ADAMTS19: variants seen among roughly 807,000 people sequenced by gnomAD.
ADAMTS19 encodes the protein ADAM metallopeptidase with thrombospondin type 1 motif 19.
Under a neutral mutation model 153.3 loss-of-function variants are expected in ADAMTS19, and 93 were observed. The ratio of observed to expected loss-of-function variants is 0.61; its 90% confidence interval spans 0.51 to 0.72. The LOEUF (loss-of-function observed/expected upper bound fraction) is 0.72, where lower values mean the gene tolerates loss of function less well. ADAMTS19 is among the 30% of genes least tolerant of loss of function. The pLI, the probability that ADAMTS19 is intolerant of heterozygous loss-of-function variation, is 0.00. For synonymous variants in ADAMTS19, 600 were observed against 556.6 expected (o/e 1.08, Z -1.10); for missense variants, 1,482 against 1,552.1 (o/e 0.95, Z 0.76).
At chr5:129,554,808 CAAT>C (rs1319731482) in intron 7 of ADAMTS19, among the ~76,000 whole-genome samples, 6 of 151,940 alleles carry the variant, frequency 3.9e-5, no homozygotes, top group Admixed American at 3.3e-4. Flanking sequence ...AAATATGGCG[CAAT>C]ATTAATAACC....
intron 4 of ADAMTS19, 200 bp downstream of exon 4, chr5:129,526,656 C>T: frequency 2.0e-6 from 1 of 500,128 alleles, no homozygotes. Flanking sequence ...ATCTTGTAAA[C>T]CCTTGTTAAT....
intron 11 of ADAMTS19, among the ~76,000 whole-genome samples, chr5:129,646,912 T>C (rs1203754627): frequency 6.6e-6 from 1 of 152,134 alleles, no homozygotes; most frequent in African/African-American, 2.4e-5. Context: ...ATCTATTTGA[T>C]TTTCAGGAAT....
intron 2 of ADAMTS19, among the ~76,000 whole-genome samples, chr5:129,468,476 C>T (rs879461434): frequency 6.6e-6 from 1 of 152,058 alleles, no homozygotes; most frequent in Non-Finnish European, 1.5e-5. Flanking sequence ...GCCTCAGCCT[C>T]CTAAGTAGCT....
chr5:129,622,669 G>C (rs1055369587), intron 10 of ADAMTS19, among the ~76,000 whole-genome samples: 1 of 151,992 alleles, frequency 6.6e-6, no homozygotes, highest in Non-Finnish European at 1.5e-5. Flanking sequence ...TCCATTATCT[G>C]CAGGAATTGG....
intron 13 of ADAMTS19, among the ~76,000 whole-genome samples, chr5:129,651,734 A>T (rs1371854552): frequency 2.0e-5 from 3 of 152,188 alleles, no homozygotes; most frequent in African/African-American, 4.8e-5. Flanking sequence ...CACAACCTGT[A>T]ATAGCACATT....
intron 7 of ADAMTS19, among the ~76,000 whole-genome samples, chr5:129,595,767 T>C (rs908396054): frequency 5.3e-5 from 8 of 152,120 alleles, no homozygotes; most frequent in Non-Finnish European, 1.2e-4. Flanking sequence ...TTATGATAAC[T>C]TGTTATTTGA....
At chr5:129,536,022 A>C (rs1299862869) in intron 6 of ADAMTS19, among the ~76,000 whole-genome samples, 1 of 152,218 alleles carries the variant, frequency 6.6e-6, no homozygotes, top group Non-Finnish European at 1.5e-5. Flanking sequence ...CATGTCTAAA[A>C]CACCAAAAGC....
intron 7 of ADAMTS19, among the ~76,000 whole-genome samples, chr5:129,569,494 A>C (rs989204378): frequency 2.0e-5 from 3 of 152,074 alleles, no homozygotes; most frequent in African/African-American, 7.2e-5. Context: ...ACACTGCTCC[A>C]CCCAACCATA....
intron 12 of ADAMTS19, among the ~76,000 whole-genome samples, chr5:129,648,566 G>A (rs1463010549): frequency 6.6e-6 from 1 of 151,928 alleles, no homozygotes; most frequent in Non-Finnish European, 1.5e-5. Flanking sequence ...ATGGCAAGTG[G>A]GATTTTATTC....
chr5:129,462,614 T>G (rs74424330), intron 2 of ADAMTS19, among the ~76,000 whole-genome samples: 19,018 of 147,002 alleles, frequency 0.13, 1,570 homozygotes, highest in African/African-American at 0.22. Flanking sequence ...TGTGTGTGTG[T>G]GTGGGGGGGT....
chr5:129,547,797 A>T (rs1264103682), intron 6 of ADAMTS19, among the ~76,000 whole-genome samples: 1 of 150,876 alleles, frequency 6.6e-6, no homozygotes, highest in Non-Finnish European at 1.5e-5. Context: ...ACAGAAACCA[A>T]AACAGCATGG....
intron 2 of ADAMTS19, among the ~76,000 whole-genome samples, chr5:129,479,955 A>G (rs1186722544): frequency 6.6e-6 from 1 of 152,178 alleles, no homozygotes; most frequent in Non-Finnish European, 1.5e-5. Flanking sequence ...AGAAATTGAC[A>G]AATATGTTTA....
chr5:129,727,721 G>A (rs1315051925), intron 21 of ADAMTS19, among the ~76,000 whole-genome samples: 4 of 152,132 alleles, frequency 2.6e-5, no homozygotes, highest in African/African-American at 4.8e-5. Context: ...GCCTTCATGT[G>A]AGATATTAAA....
At chr5:129,537,409 A>G (rs138870078) in intron 6 of ADAMTS19, among the ~76,000 whole-genome samples, 6,524 of 152,286 alleles carry the variant, frequency 0.043, 166 homozygotes, top group African/African-American at 0.064. Context: ...CATTTGACCC[A>G]GCCATCCCAT....
intron 3 of ADAMTS19, among the ~76,000 whole-genome samples, chr5:129,517,765 G>A (rs1303024218): frequency 6.6e-6 from 1 of 151,908 alleles, no homozygotes; most frequent in Non-Finnish European, 1.5e-5. Flanking sequence ...TGATTAGATA[G>A]TTTAGTTCAT....
intron 8 of ADAMTS19, among the ~76,000 whole-genome samples, chr5:129,597,351 A>G (rs1420123587): frequency 6.6e-6 from 1 of 152,116 alleles, no homozygotes; most frequent in African/African-American, 2.4e-5. Flanking sequence ...CAATTTTGTG[A>G]TGTGTTATTA....
chr5:129,627,927 T>G (rs1235756069), intron 10 of ADAMTS19, among the ~76,000 whole-genome samples: 1 of 151,954 alleles, frequency 6.6e-6, no homozygotes, highest in Non-Finnish European at 1.5e-5. Flanking sequence ...TAATTACCAT[T>G]CAACCCAGCA....
intron 6 of ADAMTS19, among the ~76,000 whole-genome samples, chr5:129,546,164 C>T (rs1752846615): frequency 6.7e-6 from 1 of 148,636 alleles, no homozygotes; most frequent in African/African-American, 2.6e-5. Context: ...CATATTCTCA[C>T]TCACAGGTGG....
intron 21 of ADAMTS19, among the ~76,000 whole-genome samples, chr5:129,707,851 A>G (rs574143716): frequency 2.8e-4 from 42 of 152,316 alleles, no homozygotes; most frequent in African/African-American, 1.0e-3. Context: ...CAATTTTTTT[A>G]TAAAGCTAGC....
Sources: allele counts gnomAD v4.1 joint callset (sites outside exome capture counted in the v4.1 genomes callset), GRCh38; gene constraint gnomAD v4.1.1; transcripts MANE v1.5; gene names NCBI Gene and HGNC (gene_info 2026-07-23, HGNC 2026-07-21).